Variants in EML6 observed in about 807,000 individuals in gnomAD.
EML6 encodes EMAP like 6, also known as echinoderm microtubule-associated protein-like 6.
In EML6, 154 loss-of-function variants were observed where a neutral mutation model predicts 240.1. The ratio of observed to expected loss-of-function variants is 0.64; its 90% CI spans 0.56 to 0.73. EML6 has a LOEUF of 0.73. Ranked by LOEUF, EML6 falls within the 30% of genes least tolerant of loss-of-function variation. The pLI, the probability that EML6 is intolerant of heterozygous loss-of-function variation, is 0.00. For synonymous variants in EML6, 1,148 were observed against 899.0 expected (o/e 1.28, Z -4.95); for missense variants, 2,964 against 2,474.6 (o/e 1.20, Z -4.20).
chr2:54,927,364 C>T (rs1197822369), intron 26 of EML6, among the ~76,000 whole-genome samples: 1 of 152,200 alleles, frequency 6.6e-6, no homozygotes, highest in Non-Finnish European at 1.5e-5. Flanking sequence ...AGTCCAAAAC[C>T]CTCTGGGAGC....
In EML6 at chr2:54,844,153, G is replaced by C; in HGVS notation, c.954G>C (p.Leu318Phe). The C allele has an allele frequency of 6.4e-7, 1 of 1,551,740 alleles. No individual in the cohort carries two copies. The highest frequency in any genetic ancestry group is 8.7e-7 in the Non-Finnish European group (1 of 1,147,006). ...VIVRERDKPM[L>F]ILQGHCEGEL... ...TGCGAGAGCGAGACAAGCCGATGTT[G>C]ATCCTACAGGGCCACTGCGAGGGTG... Residue 318 changes from leucine (L) to phenylalanine (F), a missense_variant, in exon 8 of 42, where the codon TTG becomes TTC. Coordinates refer to ENST00000356458, the MANE Select transcript of EML6 (RefSeq NM_001039753.4).
chr2:54,894,059 G>T (rs1037756155), intron 19 of EML6, among the ~76,000 whole-genome samples: 4 of 152,002 alleles, frequency 2.6e-5, no homozygotes, highest in African/African-American at 9.7e-5. Flanking sequence ...TTTGGGGATT[G>T]AATTTTCCTG....
intron 2 of EML6, among the ~76,000 whole-genome samples, chr2:54,800,684 T>C (rs1670088205): frequency 6.6e-6 from 1 of 152,064 alleles, no homozygotes; most frequent in Non-Finnish European, 1.5e-5. Flanking sequence ...CATCAGATAC[T>C]TGGATGGGTA....
intron 37 of EML6, 64 bp downstream of exon 37, chr2:54,964,222 C>G (rs1445970119): frequency 6.7e-6 from 10 of 1,484,190 alleles, no homozygotes; most frequent in Non-Finnish European, 9.0e-6. Flanking sequence ...CAGTGGTTCC[C>G]ATTCCAGCCA....
intron 2 of EML6, among the ~76,000 whole-genome samples, chr2:54,796,256 C>A (rs765090678): frequency 6.6e-6 from 1 of 152,128 alleles, no homozygotes; most frequent in Non-Finnish European, 1.5e-5. Flanking sequence ...TGATTAATGG[C>A]TTCTAAAAAT....
chr2:54,887,623 T>C lies in EML6; in HGVS notation c.2439-3431T>C, dbSNP rs550359300. On this transcript the variant is annotated intron_variant, in intron 17 of 41. Transcript: ENST00000356458. Reference sequence around the variant, plus strand: ...AAGAAATCACCTATTCTTCTAATGTTCTATGGCTTCATCTTTTATATTTAA... The same window carrying C: ...AAGAAATCACCTATTCTTCTAATGTCCTATGGCTTCATCTTTTATATTTAA... Among the ~76,000 whole-genome samples the C allele has an allele frequency of 2.6e-5, 4 of 152,380 alleles. No individual in the cohort carries two copies. The South Asian group carries it at 8.3e-4, about 32-fold the overall frequency.
Position 54,792,907 on chromosome 2 carries a change from A to C in EML6, c.198-20325A>C, listed in dbSNP as rs547548075. Among the ~76,000 whole-genome samples the C allele has an allele frequency of 1.8e-4, 28 of 152,308 alleles. 1 individual carries two copies. The highest frequency in any genetic ancestry group is 6.5e-4 in the African/African-American group (27 of 41,562). On this transcript the variant is annotated intron_variant, in intron 2 of 41. Transcript: ENST00000356458. Reference sequence around the variant, plus strand: ...TGTCAGACAACAGAGGAGTTATAAAAAGCAAAAAAAAGAAATGATTTTTAA... The same window carrying C: ...TGTCAGACAACAGAGGAGTTATAAACAGCAAAAAAAAGAAATGATTTTTAA...
chr2:54,874,711 G>A (rs1671418220), intron 16 of EML6, among the ~76,000 whole-genome samples: 1 of 152,156 alleles, frequency 6.6e-6, no homozygotes, highest in Non-Finnish European at 1.5e-5. Flanking sequence ...CATTGACTGG[G>A]GGTTGGGGTG....
At chr2:54,838,768 C>T (rs1669285247) in intron 7 of EML6, among the ~76,000 whole-genome samples, 1 of 152,140 alleles carries the variant, frequency 6.6e-6, no homozygotes, top group African/African-American at 2.4e-5. Context: ...CAAGCATAGG[C>T]CCAAGCTCCA....
chr2:54,952,640 C>T lies in EML6; in HGVS notation c.4260C>T (p.Leu1420=). Residue 1420 remains leucine, a synonymous_variant, in exon 31 of 42, where the codon CTC becomes CTT. Coordinates refer to ENST00000356458, the MANE Select transcript of EML6 (RefSeq NM_001039753.4). ...YLEHTDDILC[L]TVNQHPKYRN... ...AGCACACAGATGACATCCTCTGTCT[C>T]ACAGTGAACCAGCACCCCAAGTACA... 1 of 1,551,496 alleles carries T rather than the reference C, an allele frequency of 6.4e-7. No homozygotes were observed. Among genetic ancestry groups the T allele is most frequent in the Non-Finnish European group, 8.7e-7 (1 of 1,146,944 alleles).
intron 4 of EML6, among the ~76,000 whole-genome samples, chr2:54,817,479 C>G (rs1668131286): frequency 6.6e-6 from 1 of 152,134 alleles, no homozygotes; most frequent in Non-Finnish European, 1.5e-5. Context: ...TTTCTCTAAA[C>G]AATGAATTTG....
chr2:54,882,464 A>G (rs1671868246), intron 17 of EML6: 1 of 152,136 alleles, frequency 6.6e-6, no homozygotes, highest in Non-Finnish European at 1.5e-5. Context: ...TTACTCTGGT[A>G]GTGTGACTAG....
Position 54,829,561 on chromosome 2 carries a change from C to A in EML6, c.847+84C>A. The A allele has an allele frequency of 3.6e-6, 4 of 1,122,184 alleles. No individual in the cohort carries two copies. The South Asian group carries it at 5.8e-5, about 16-fold the overall frequency. The allele number at this position is 1,122,184 out of a possible 1,614,324, so 69.5% of individuals were successfully genotyped here. On this transcript the variant is annotated intron_variant, in intron 7 of 41. Coordinates refer to ENST00000356458, the MANE Select transcript of EML6 (RefSeq NM_001039753.4). ...GTATTCATATTTGTTTCTCTGTACC[C>A]CATTTTAAAAAGGCAGTTTATATAA...
chr2:54,737,821 C>A (rs918056769), intron 2 of EML6, among the ~76,000 whole-genome samples: 21 of 152,136 alleles, frequency 1.4e-4, no homozygotes, highest in Non-Finnish European at 2.8e-4. Context: ...CTTCTGAGTC[C>A]CTACTTGGGG....
At chr2:54,933,642 C>T (rs2104414232) in intron 28 of EML6, among the ~76,000 whole-genome samples, 1 of 151,946 alleles carries the variant, frequency 6.6e-6, no homozygotes, top group Non-Finnish European at 1.5e-5. Context: ...GCTGAGGCAC[C>T]AATCGCTTGA....
chr2:54,732,054 C>T lies in EML6; in HGVS notation c.197+6796C>T, dbSNP rs186879909. Among the ~76,000 whole-genome samples the T allele has an allele frequency of 2.0e-5, 3 of 152,268 alleles. No homozygotes were observed. The East Asian group carries it at 5.8e-4, about 29-fold the overall frequency. Reference sequence around the variant, plus strand: ...GTTTTAATTTTCATTTCCTTCATGACTAATGATATTGATGATCTTTTCATA... The same window carrying T: ...GTTTTAATTTTCATTTCCTTCATGATTAATGATATTGATGATCTTTTCATA... On this transcript the variant is annotated intron_variant, in intron 2 of 41. Coordinates refer to ENST00000356458, the MANE Select transcript of EML6 (RefSeq NM_001039753.4).
intron 28 of EML6, among the ~76,000 whole-genome samples, chr2:54,937,933 C>G (rs546995016): frequency 3.3e-5 from 5 of 152,144 alleles, no homozygotes; most frequent in Admixed American, 1.3e-4. Flanking sequence ...TTTCCTCTTA[C>G]GTATAAAACC....
In EML6 at chr2:54,847,550, G is replaced by A. The variant is rs1388123090; in HGVS notation, c.1114G>A (p.Val372Ile). 1.9e-6 allele frequency: 3 copies of A among 1,552,264 alleles called. No individual in the cohort carries two copies. In the South Asian group the frequency reaches 3.6e-5, roughly 18 times the overall value. The part of the protein sequence containing the change: ...RCNMEEAVRS[V>I]AFSPDGSQLA... ...TAACATGGAAGAGGCGGTTCGCAGT[G>A]TAGCTTTCAGCCCCGACGGATCTCA... is the stretch of plus-strand genomic sequence containing the variant. Residue 372 changes from valine to isoleucine, a missense_variant, in exon 9 of 42, where the codon GTA becomes ATA. By Grantham distance (29) the Val-to-Ile change is conservative. Coordinates refer to ENST00000356458, the MANE Select transcript of EML6 (RefSeq NM_001039753.4).
chr2:54,959,208 A>G lies in EML6; in HGVS notation c.4800A>G (p.Thr1600=). The G allele has an allele frequency of 6.4e-7, 1 of 1,551,640 alleles. No homozygotes were observed. Among genetic ancestry groups the G allele is most frequent in the Non-Finnish European group, 8.7e-7 (1 of 1,146,970 alleles). Residue 1600 remains threonine (T), a synonymous_variant, in exon 34 of 42, where the codon ACA becomes ACG. Coordinates refer to ENST00000356458, the MANE Select transcript of EML6 (RefSeq NM_001039753.4). The stretch of plus-strand genomic sequence containing the variant: ...AGGCTCACACAGGCCCCGTGTTCAC[A>G]ATGTACACAACCCTTCGGGATGGAC... ...VAKAHTGPVF[T]MYTTLRDGLI...
Sources: gnomAD v4.1 joint callset for allele counts (sites outside exome capture counted in the v4.1 genomes callset) on GRCh38, gnomAD v4.1.1 for gene constraint, MANE v1.5 for transcripts, NCBI Gene and HGNC (gene_info 2026-07-23, HGNC 2026-07-21) for gene names.